MDGA2: variants seen among roughly 807,000 people sequenced by gnomAD.
The protein encoded by MDGA2 is MAM domain containing glycosylphosphatidylinositol anchor 2, also known as MAM domain-containing glycosylphosphatidylinositol anchor protein 2.
In MDGA2, 40 loss-of-function variants were observed where a neutral mutation model predicts 117.8. That is an observed-to-expected ratio of 0.34 (90% CI 0.26 to 0.44). MDGA2 has a LOEUF of 0.44. MDGA2 is among the 20% of genes least tolerant of loss of function. The pLI, the probability that MDGA2 is intolerant of heterozygous loss-of-function variation, is 1.00. For missense variants in MDGA2, 1,123 were observed against 1,250.6 expected, an observed-to-expected ratio of 0.90 and a Z score of 1.54; for synonymous variants, 452 against 439.0, an observed-to-expected ratio of 1.03 and a Z score of -0.37.
intron 10 of MDGA2, among the ~76,000 whole-genome samples, chr14:46,912,373 A>C (rs2138485541): frequency 6.6e-6 from 1 of 152,212 alleles, no homozygotes; most frequent in South Asian, 2.1e-4. Flanking sequence ...TCAGATGAAA[A>C]ATTTATGCCT....
At chr14:47,531,123 T>C (rs903291370) in intron 1 of MDGA2, among the ~76,000 whole-genome samples, 2 of 152,062 alleles carry the variant, frequency 1.3e-5, no homozygotes, top group African/African-American at 4.8e-5. Flanking sequence ...TGGGCGCCTG[T>C]AGTCCCAGCT....
At chr14:47,164,475 T>C (rs35437399) in intron 3 of MDGA2, among the ~76,000 whole-genome samples, 31,819 of 152,090 alleles carry the variant, frequency 0.21, 3,773 homozygotes, top group East Asian at 0.33. Context: ...AGAAGACATT[T>C]ATGCAGCCAA....
At chr14:47,251,488 C>A (rs1213240625) in intron 2 of MDGA2, among the ~76,000 whole-genome samples, 2 of 149,204 alleles carry the variant, frequency 1.3e-5, no homozygotes, top group Non-Finnish European at 1.5e-5. Context: ...TTTAAAAAAA[C>A]ACTTGACGTT....
intron 1 of MDGA2, among the ~76,000 whole-genome samples, chr14:47,467,800 A>G (rs998840120): frequency 1.3e-5 from 2 of 152,138 alleles, no homozygotes; most frequent in African/African-American, 4.8e-5. Flanking sequence ...CCAATATATC[A>G]TTTTGTATTA....
chr14:46,938,540 C>CAAAAAAAAAAGAAAAAAAA (rs1884870881), intron 9 of MDGA2, among the ~76,000 whole-genome samples: 1 of 27,008 alleles, frequency 3.7e-5, no homozygotes, highest in African/African-American at 9.3e-5. Flanking sequence ...AAATCCATCT[C>CAAAAAAAAAAGAAAAAAAA]AAAAAAAAAA....
chr14:47,109,857 A>T (rs965120923), intron 5 of MDGA2, among the ~76,000 whole-genome samples: 5 of 152,212 alleles, frequency 3.3e-5, no homozygotes, highest in African/African-American at 1.2e-4. Flanking sequence ...GAGGCAAGAT[A>T]ATTGTTAGGA....
At chr14:47,033,871 T>A (rs1488188608) in intron 8 of MDGA2, among the ~76,000 whole-genome samples, 2 of 152,200 alleles carry the variant, frequency 1.3e-5, no homozygotes, top group Non-Finnish European at 2.9e-5. Context: ...TAAATACATT[T>A]GTCTCATACT....
chr14:47,285,360 T>C (rs1002724560), intron 2 of MDGA2, among the ~76,000 whole-genome samples: 1 of 152,104 alleles, frequency 6.6e-6, no homozygotes, highest in Non-Finnish European at 1.5e-5. Flanking sequence ...CAAAAAAAGC[T>C]TTCATCATCT....
rs560680774 is a variant in MDGA2 at position 47,173,446 on chromosome 14, A to T, written c.596-29172T>A. Among the ~76,000 whole-genome samples the T allele has an allele frequency of 1.3e-4, 20 of 152,364 alleles. No individual in the cohort carries two copies. The East Asian group carries it at 3.7e-3, about 28-fold the overall frequency. ...GGGAAGCACATCAGACTAACAGCGG[A>T]TCTCTCGGCAGAAATTCTACAAGCC... is the stretch of plus-strand genomic sequence containing the variant. On this transcript the variant is annotated intron_variant, in intron 3 of 16. Transcript: ENST00000399232.
At chr14:47,033,994 A>G (rs901512653) in intron 8 of MDGA2, among the ~76,000 whole-genome samples, 1 of 152,230 alleles carries the variant, frequency 6.6e-6, no homozygotes, top group Non-Finnish European at 1.5e-5. Flanking sequence ...CTGAGTTACA[A>G]AAGAGTCAGA....
intron 1 of MDGA2, among the ~76,000 whole-genome samples, chr14:47,370,379 T>G (rs1473496878): frequency 1.3e-5 from 2 of 148,320 alleles, no homozygotes; most frequent in African/African-American, 4.9e-5. Context: ...AGATTTAACA[T>G]AGGTTACAAA....
intron 9 of MDGA2, among the ~76,000 whole-genome samples, chr14:46,942,288 A>G (rs1317658046): frequency 6.6e-6 from 1 of 152,170 alleles, no homozygotes; most frequent in Non-Finnish European, 1.5e-5. Flanking sequence ...GCATTAGAAA[A>G]ATTACATACA....
chr14:47,251,565 T>C (rs1887448166), intron 2 of MDGA2, among the ~76,000 whole-genome samples: 3 of 152,224 alleles, frequency 2.0e-5, no homozygotes, highest in African/African-American at 7.2e-5. Flanking sequence ...ATATGGGAGA[T>C]GAATAAACCA....
intron 3 of MDGA2, among the ~76,000 whole-genome samples, chr14:47,194,193 TGA>T (rs1314340024): frequency 1.3e-5 from 2 of 152,178 alleles, no homozygotes; most frequent in East Asian, 3.8e-4. Flanking sequence ...TTAAATACTT[TGA>T]GAGACAAGAC....
chr14:46,893,797 T>G (rs1337473348), intron 10 of MDGA2, among the ~76,000 whole-genome samples: 1 of 152,008 alleles, frequency 6.6e-6, no homozygotes, highest in Non-Finnish European at 1.5e-5. Context: ...ATCTTCTGTG[T>G]TTTTAGTACA....
At chr14:47,609,286 G>C (rs1000730215) in intron 1 of MDGA2, among the ~76,000 whole-genome samples, 15 of 150,350 alleles carry the variant, frequency 1.0e-4, no homozygotes, top group African/African-American at 3.7e-4. Context: ...TCATAGCTTA[G>C]CTGAAACATA....
intron 1 of MDGA2, among the ~76,000 whole-genome samples, chr14:47,612,664 T>C (rs1436912632): frequency 1.3e-5 from 2 of 152,190 alleles, no homozygotes; most frequent in Non-Finnish European, 2.9e-5. Flanking sequence ...TCCAAGCAAT[T>C]TGCCGCTGTT....
intron 6 of MDGA2, among the ~76,000 whole-genome samples, chr14:47,084,111 C>T (rs1890807232): frequency 6.6e-6 from 1 of 152,100 alleles, no homozygotes; most frequent in Non-Finnish European, 1.5e-5. Context: ...CAGAAGAATG[C>T]TTACTCTTCT....
intron 7 of MDGA2, among the ~76,000 whole-genome samples, chr14:47,035,550 G>C (rs117036991): frequency 0.015 from 2,273 of 152,270 alleles, 33 homozygotes; most frequent in Non-Finnish European, 0.023. Flanking sequence ...TTGAAAAATG[G>C]TTAATATAAG....
Sources: allele counts gnomAD v4.1 joint callset (sites outside exome capture counted in the v4.1 genomes callset), GRCh38; gene constraint gnomAD v4.1.1; transcripts MANE v1.5; gene names NCBI Gene and HGNC (gene_info 2026-07-23, HGNC 2026-07-21).